TMEM232: variants seen among roughly 807,000 people sequenced by gnomAD.
TMEM232 encodes the protein transmembrane protein 232.
In TMEM232, 80 loss-of-function variants were observed where a neutral mutation model predicts 78.8. The ratio of observed to expected loss-of-function variants is 1.01; its 90% CI spans 0.85 to 1.22. The LOEUF (loss-of-function observed/expected upper bound fraction) is 1.22. Ranked by LOEUF, TMEM232 falls within the 50% of genes most tolerant of loss-of-function variation. The pLI, the probability that TMEM232 is intolerant of heterozygous loss-of-function variation, is 0.00. For synonymous variants in TMEM232, 297 were observed against 254.3 expected (o/e 1.17, Z -1.60); for missense variants, 881 against 742.2 (o/e 1.19, Z -2.17).
rs545345547 is a variant in TMEM232 at position 110,510,110 on chromosome 5, C to T, written c.1703+18478G>A. 1.1e-3 allele frequency among the ~76,000 whole-genome samples: 174 copies of T among 152,246 alleles called. 1 individual carries two copies. The highest frequency in any genetic ancestry group is 3.9e-3 in the African/African-American group (161 of 41,550). On this transcript the variant is annotated intron_variant, in intron 12 of 13. Transcript: ENST00000455884. ...TTTCTCATGTTACTGTGCTCCTTCC[C>T]AAGGAAATGTTGCTTGTGCCCATGA...
chr5:110,429,408 T>A (rs987082190), intron 12 of TMEM232, among the ~76,000 whole-genome samples: 14 of 151,778 alleles, frequency 9.2e-5, no homozygotes, highest in African/African-American at 3.4e-4. Context: ...AATATATTTC[T>A]TTATGCAGAA....
chr5:110,420,640 T>TTCTC lies in TMEM232; in HGVS notation c.1910_1913dup (p.Glu639ArgfsTer6), dbSNP rs1561470411. On this transcript the variant is annotated frameshift_variant, in exon 14 of 14. Transcript: ENST00000455884. LOFTEE classifies it high-confidence loss of function. ...GCTTGGTTTGCTTATGTAGTTTCTC[T>TTCTC]TCTCTTTTCTTCATAACTTCTTGAA... is the stretch of plus-strand genomic sequence containing the variant. The TTCTC allele has an allele frequency of 6.6e-7, 1 of 1,525,096 alleles. No homozygotes were observed. Among genetic ancestry groups the TTCTC allele is most frequent in the African/African-American group, 1.4e-5 (1 of 72,038 alleles). 94.5% of individuals were successfully genotyped at this position (1,525,096 alleles called of 1,614,324 possible).
intron 11 of TMEM232, among the ~76,000 whole-genome samples, chr5:110,565,783 T>C (rs1182229838): frequency 6.6e-6 from 1 of 151,964 alleles, no homozygotes; most frequent in Non-Finnish European, 1.5e-5. Flanking sequence ...CAATGTTAAA[T>C]ATTAGCAATA....
At chr5:110,560,467 G>T (rs1775607288) in intron 11 of TMEM232, among the ~76,000 whole-genome samples, 1 of 152,118 alleles carries the variant, frequency 6.6e-6, no homozygotes. Flanking sequence ...AAGGTTCACA[G>T]GGAACAAACT....
downstream of TMEM232, among the ~76,000 whole-genome samples, chr5:110,416,063 A>G (rs1756197251): frequency 6.6e-6 from 1 of 152,226 alleles, no homozygotes; most frequent in African/African-American, 2.4e-5. Context: ...GTAGCAGAAA[A>G]GTAACTTAAG....
chr5:110,690,484 T>C (rs2416245), intron 1 of TMEM232, among the ~76,000 whole-genome samples: 6,270 of 152,124 alleles, frequency 0.041, 408 homozygotes, highest in African/African-American at 0.14. Context: ...ATGGATGCTA[T>C]AGAGGATGTG....
chr5:110,712,889 C>G (rs116783199), intron 1 of TMEM232, among the ~76,000 whole-genome samples: 2,052 of 152,194 alleles, frequency 0.013, 43 homozygotes, highest in African/African-American at 0.046. Flanking sequence ...ACCATAACAT[C>G]TAGCAATATA....
intron 12 of TMEM232, among the ~76,000 whole-genome samples, chr5:110,496,321 G>C (rs1003056323): frequency 4.0e-5 from 6 of 151,854 alleles, no homozygotes; most frequent in Non-Finnish European, 8.8e-5. Flanking sequence ...CAAGCTCCTT[G>C]CATAGAAGCT....
chr5:110,713,633 A>G (rs1796722692), intron 1 of TMEM232, among the ~76,000 whole-genome samples: 1 of 152,196 alleles, frequency 6.6e-6, no homozygotes, highest in African/African-American at 2.4e-5. Context: ...GTGACCCAAG[A>G]TGTCTGCTGA....
At chr5:110,552,794 T>C (rs970710813) in intron 11 of TMEM232, among the ~76,000 whole-genome samples, 144 of 151,758 alleles carry the variant, frequency 9.5e-4, no homozygotes, top group African/African-American at 3.5e-3. Flanking sequence ...TGAAAACCTA[T>C]TCATGCATAA....
intron 2 of TMEM232, among the ~76,000 whole-genome samples, chr5:110,401,195 T>C (rs151333694): frequency 6.6e-6 from 1 of 151,488 alleles, no homozygotes; most frequent in Non-Finnish European, 1.5e-5. Flanking sequence ...TGAAGATGCT[T>C]AGTGGCAAAG....
chr5:110,583,530 C>G (rs75154239), intron 10 of TMEM232, among the ~76,000 whole-genome samples: 1,797 of 151,870 alleles, frequency 0.012, 33 homozygotes, highest in African/African-American at 0.041. Context: ...AACTAAAACT[C>G]ATAGAAGAAA....
intron 6 of TMEM232, among the ~76,000 whole-genome samples, chr5:110,625,910 A>G (rs1261065032): frequency 6.9e-6 from 1 of 144,762 alleles, no homozygotes; most frequent in South Asian, 2.1e-4. Flanking sequence ...TACAACAATA[A>G]GATAATTTAA....
At chr5:110,423,687 G>A (rs1276053918) in intron 13 of TMEM232, among the ~76,000 whole-genome samples, 2 of 151,964 alleles carry the variant, frequency 1.3e-5, no homozygotes, top group African/African-American at 2.4e-5. Flanking sequence ...GATGATGGAT[G>A]GTTGTTAGGA....
chr5:110,509,002 A>ATATATGTATATATT (rs1265729103), intron 12 of TMEM232, among the ~76,000 whole-genome samples: 1 of 130,140 alleles, frequency 7.7e-6, no homozygotes. Context: ...ATATATGTAT[A>ATATATGTATATATT]TATATATGTA....
At chr5:110,527,114 G>A (rs888187939) in intron 12 of TMEM232, among the ~76,000 whole-genome samples, 3 of 151,700 alleles carry the variant, frequency 2.0e-5, no homozygotes, top group African/African-American at 7.3e-5. Flanking sequence ...GGTAAATCAG[G>A]GAAAGAAGGG....
intron 2 of TMEM232, among the ~76,000 whole-genome samples, chr5:110,647,982 T>G (rs982377146): frequency 6.6e-6 from 1 of 151,966 alleles, no homozygotes; most frequent in African/African-American, 2.4e-5. Context: ...TTAGAAAGTA[T>G]AAGAGAATGA....
At chr5:110,450,228 A>G (rs528526270) in intron 12 of TMEM232, among the ~76,000 whole-genome samples, 1 of 152,178 alleles carries the variant, frequency 6.6e-6, no homozygotes, top group Non-Finnish European at 1.5e-5. Context: ...TCTGAATAAA[A>G]TACTCAGTCT....
At chr5:110,703,938 C>G (rs597635) in intron 1 of TMEM232, among the ~76,000 whole-genome samples, 119,974 of 151,962 alleles carry the variant, frequency 0.79, 48,894 homozygotes, top group East Asian at 0.92. Context: ...CTAAGAGCAA[C>G]TCCTTTTGAA....
Sources: allele counts gnomAD v4.1 joint callset (sites outside exome capture counted in the v4.1 genomes callset), GRCh38; gene constraint gnomAD v4.1.1; transcripts MANE v1.5; gene names NCBI Gene and HGNC (gene_info 2026-07-23, HGNC 2026-07-21).